The following HRH1 variants were observed in gnomAD, a reference collection of about 807,000 sequenced individuals.
HRH1 encodes histamine receptor H1.
HRH1 carries 6 observed loss-of-function variants against 10.3 expected under a neutral mutation model. The observed-to-expected ratio is 0.58, with a 90% confidence interval of 0.32 to 1.15. HRH1 has a LOEUF of 1.15. Ranked by LOEUF, HRH1 falls within the 50% of genes most tolerant of loss-of-function variation. The pLI, the probability that HRH1 is intolerant of heterozygous loss-of-function variation, is 0.05. For synonymous variants in HRH1, 242 were observed against 236.7 expected (o/e 1.02, Z -0.21); for missense variants, 514 against 615.3 (o/e 0.84, Z 1.74).
upstream of HRH1, among the ~76,000 whole-genome samples, chr3:11,149,659 C>T (rs1381849701): frequency 1.3e-5 from 2 of 152,154 alleles, no homozygotes; most frequent in Non-Finnish European, 2.9e-5. Flanking sequence ...TGAGAAGAAA[C>T]CAAATGCTAA....
At chr3:11,166,511 A>G (rs1186169043) in intron 1 of HRH1, among the ~76,000 whole-genome samples, 1 of 152,164 alleles carries the variant, frequency 6.6e-6, no homozygotes. Flanking sequence ...CGGCTTCTCC[A>G]GGCCCGTGAC....
At chr3:11,147,276 G>T (rs1245533234) in intron 1 of HRH1, among the ~76,000 whole-genome samples, 1 of 152,196 alleles carries the variant, frequency 6.6e-6, no homozygotes, top group African/African-American at 2.4e-5. Context: ...ACTTGATGAA[G>T]ATTTGTTAAA....
At chr3:11,142,896 A>G (rs1232837247) in intron 1 of HRH1, among the ~76,000 whole-genome samples, 1 of 152,092 alleles carries the variant, frequency 6.6e-6, no homozygotes, top group Non-Finnish European at 1.5e-5. Context: ...CCTGGGCAAC[A>G]GAGCAAGACT....
chr3:11,194,902 AT>A (rs780833153), intron 1 of HRH1, among the ~76,000 whole-genome samples: 20 of 152,216 alleles, frequency 1.3e-4, no homozygotes, highest in African/African-American at 4.3e-4. Flanking sequence ...CCAGTTTGAT[AT>A]TTTTTTTCTA....
At chr3:11,183,714 G>A (rs1258215251) in intron 1 of HRH1, among the ~76,000 whole-genome samples, 1 of 151,504 alleles carries the variant, frequency 6.6e-6, no homozygotes, top group Non-Finnish European at 1.5e-5. Context: ...GTTCTAGGCT[G>A]GAAATTTCTT....
intron 1 of HRH1, chr3:11,234,476 T>C: frequency 6.4e-7 from 1 of 1,552,500 alleles, no homozygotes. Context: ...AAAGGCTGAC[T>C]TGAACTGTTC....
chr3:11,259,568 G>A lies in HRH1; in HGVS notation c.531G>A (p.Glu177=), dbSNP rs201020595. The change falls in exon 2 of 2, where the codon GAG becomes GAA. Residue 177 remains glutamate (E), a synonymous_variant. Transcript: ENST00000431010. This position sits in a 1 kb window ranked among gnomAD's most constrained non-coding sequence, Gnocchi z 4.6. The stretch of plus-strand genomic sequence containing the variant: ...TGCAGCAGACCTCGGTGCGCCGAGA[G>A]GACAAGTGTGAGACAGACTTCTATG... ...HFMQQTSVRR[E]DKCETDFYDV... is the part of the protein sequence containing the mutation. 8 of 1,614,040 alleles carry A rather than the reference G, an allele frequency of 5.0e-6. No individual in the cohort carries two copies. The highest frequency in any genetic ancestry group is 6.8e-6 in the Non-Finnish European group (8 of 1,179,990).
chr3:11,201,373 A>G (rs1937900894), intron 1 of HRH1, among the ~76,000 whole-genome samples: 1 of 152,198 alleles, frequency 6.6e-6, no homozygotes, highest in Admixed American at 6.5e-5. Flanking sequence ...ACAAGCTCCA[A>G]AGTCTGAAAG....
chr3:11,232,005 T>C (rs1352764749), intron 1 of HRH1, among the ~76,000 whole-genome samples: 4 of 151,962 alleles, frequency 2.6e-5, no homozygotes, highest in Non-Finnish European at 5.9e-5. Context: ...TTTTTTTTTT[T>C]TTTTTTAGAC....
Position 11,219,952 on chromosome 3 carries a change from T to G in HRH1, c.-35-39051T>G, listed in dbSNP as rs1182241112. The stretch of plus-strand genomic sequence containing the variant: ...TAATTGTGGTAACTTAATGTGTTGT[T>G]TTTTTTTTTTTTTTTTTTACAATAA... On this transcript the variant is annotated intron_variant, in intron 1 of 1. Transcript: ENST00000431010. 6.6e-5 allele frequency among the ~76,000 whole-genome samples: 7 copies of G among 106,438 alleles called. No homozygotes were observed. In the East Asian group the frequency reaches 1.8e-3, roughly 27 times the overall value. The allele number at this position is 106,438 out of a possible 152,430, so 69.8% of individuals were successfully genotyped here.
At chr3:11,219,330 G>C (rs192709408) in intron 1 of HRH1, among the ~76,000 whole-genome samples, 2 of 152,320 alleles carry the variant, frequency 1.3e-5, no homozygotes, top group Admixed American at 1.3e-4. Flanking sequence ...GTTCATGGTT[G>C]CGTGGTTGTG....
At chr3:11,193,373 G>A (rs1456689324) in intron 1 of HRH1, among the ~76,000 whole-genome samples, 2 of 152,238 alleles carry the variant, frequency 1.3e-5, no homozygotes, top group African/African-American at 2.4e-5. Context: ...TTGAGGTACT[G>A]TCTTTTTAAG....
chr3:11,151,085 G>A (rs1936606028), upstream of HRH1, among the ~76,000 whole-genome samples: 1 of 152,226 alleles, frequency 6.6e-6, no homozygotes, highest in African/African-American at 2.4e-5. Flanking sequence ...CTTGACTTCA[G>A]ATACAGGCAT....
chr3:11,233,722 G>A lies in HRH1; in HGVS notation c.-35-25281G>A, dbSNP rs1276546579. On this transcript the variant is annotated intron_variant, in intron 1 of 1. Transcript: ENST00000431010. ...GCCAACATGGAAACCAAAATGTATC[G>A]GGAATGAAGTACAGTACCCCTTCAC... Among the ~76,000 whole-genome samples, 11 of 152,106 alleles carry A rather than the reference G, an allele frequency of 7.2e-5. No homozygotes were observed. The East Asian group carries it at 1.2e-3, about 16-fold the overall frequency.
chr3:11,184,088 G>C (rs2125018405), intron 1 of HRH1, among the ~76,000 whole-genome samples: 2 of 152,148 alleles, frequency 1.3e-5, no homozygotes, highest in East Asian at 3.9e-4. Flanking sequence ...CAGTGCTCAG[G>C]CAGAGGGTGC....
chr3:11,172,788 G>A (rs550300530), intron 1 of HRH1, among the ~76,000 whole-genome samples: 3 of 146,852 alleles, frequency 2.0e-5, no homozygotes, highest in South Asian at 2.2e-4. Flanking sequence ...TGCAAGCTCC[G>A]CCTCCCAGGT....
chr3:11,225,021 T>C (rs1231294790), intron 1 of HRH1, among the ~76,000 whole-genome samples: 6 of 152,162 alleles, frequency 3.9e-5, no homozygotes, highest in African/African-American at 1.2e-4. Flanking sequence ...TCAAAGTGGA[T>C]GCTCCACTGC....
At chr3:11,182,029 C>T (rs1937365131) in intron 1 of HRH1, among the ~76,000 whole-genome samples, 1 of 152,142 alleles carries the variant, frequency 6.6e-6, no homozygotes, top group Non-Finnish European at 1.5e-5. Context: ...GTCACCCAGG[C>T]TAGAGTGCAG....
At chr3:11,246,535 G>A (rs377585253) in intron 1 of HRH1, among the ~76,000 whole-genome samples, 17 of 152,292 alleles carry the variant, frequency 1.1e-4, no homozygotes, top group East Asian at 3.9e-4. Flanking sequence ...TACAGGTCCC[G>A]AAGGGAGGGA....
Sources: gnomAD v4.1 joint callset for allele counts (sites outside exome capture counted in the v4.1 genomes callset) on GRCh38, gnomAD v4.1.1 for gene constraint, Gnocchi (gnomAD v3.1) non-coding constraint, MANE v1.5 for transcripts, NCBI Gene and HGNC (gene_info 2026-07-23, HGNC 2026-07-21) for gene names.